The following NSMCE4A variants were observed in gnomAD, a reference collection of about 807,000 sequenced individuals.
NSMCE4A encodes the protein non-structural maintenance of chromosomes element 4 homolog A.
In NSMCE4A, 40 loss-of-function variants were observed where a neutral mutation model predicts 47.9. That is an observed-to-expected ratio of 0.83 (90% CI 0.65 to 1.09). NSMCE4A has a LOEUF of 1.09. Ranked by LOEUF, NSMCE4A falls within the 50% of genes least tolerant of loss-of-function variation. NSMCE4A has a pLI of 0.00. For missense variants in NSMCE4A, 500 were observed against 507.0 expected (o/e 0.99, Z 0.13); for synonymous variants, 166 against 178.5 (o/e 0.93, Z 0.56).
At position 121,959,367 on chromosome 10, in the gene NSMCE4A, G is replaced by A. The variant is rs1952456490; in HGVS notation, c.1127C>T (p.Pro376Leu). The change falls in exon 10 of 11, where the codon CCA becomes CTA. Residue 376 changes from proline to leucine, a missense_variant. Pro to Leu is a moderately conservative substitution (Grantham distance 98). Transcript: ENST00000369023. ...TFEISEPVIT[P>L]SQRQQKPSA ...ACTTGGCTTCTGCTGCCTCTGACTT[G>A]GAGTAATCACAGGCTCTGAAATCTC... is the stretch of plus-strand genomic sequence containing the variant. The A allele has an allele frequency of 6.2e-7, 1 of 1,614,170 alleles. No homozygotes were observed. The highest frequency in any genetic ancestry group is 8.5e-7 in the Non-Finnish European group (1 of 1,180,036).
chr10:121,958,187 C>T (rs886135886), intron 10 of NSMCE4A, among the ~76,000 whole-genome samples: 1 of 152,062 alleles, frequency 6.6e-6, no homozygotes, highest in Non-Finnish European at 1.5e-5. Flanking sequence ...GAGATCGTGC[C>T]ACTGCACTCT....
chr10:121,962,673 C>T (rs567463164), intron 6 of NSMCE4A, among the ~76,000 whole-genome samples: 5 of 151,490 alleles, frequency 3.3e-5, no homozygotes, highest in South Asian at 2.1e-4. Context: ...AGTGCAATGG[C>T]GTGATCTTGG....
chr10:121,960,101 T>C lies in NSMCE4A; in HGVS notation c.988+257A>G, dbSNP rs1250773638. The C allele has an allele frequency of 2.9e-6, 1 of 340,320 alleles. No homozygotes were observed. The highest frequency in any genetic ancestry group is 5.2e-6 in the Non-Finnish European group (1 of 191,358). 21.1% of individuals were successfully genotyped at this position (340,320 alleles called of 1,614,324 possible). On this transcript the variant is annotated intron_variant, in intron 8 of 10. Transcript: ENST00000369023. This position sits in a 1 kb window ranked among gnomAD's most constrained non-coding sequence, Gnocchi z 4.2. ...CAAAAATGACTGCAATCACCAACTT[T>C]CTAAATTAAGATCTGAGGGAAATTA...
At chr10:121,969,501 T>TAAAAAAAAAAAAAAAAAAAA (rs35005382) in intron 3 of NSMCE4A, among the ~76,000 whole-genome samples, 1 of 138,208 alleles carries the variant, frequency 7.2e-6, no homozygotes, top group Non-Finnish European at 1.5e-5. Context: ...AAAAAAAAGT[T>TAAAAAAAAAAAAAAAAAAAA]AAAAAAAAAA....
intron 5 of NSMCE4A, among the ~76,000 whole-genome samples, chr10:121,963,779 C>T (rs1005337606): frequency 1.9e-4 from 29 of 152,212 alleles, no homozygotes; most frequent in African/African-American, 7.0e-4. Context: ...ACTCAGGAGG[C>T]TGAGGCAGGA....
chr10:121,970,993 C>G lies in NSMCE4A; in HGVS notation c.447G>C (p.Lys149Asn). The change falls in exon 3 of 11, where the codon AAG becomes AAC. Residue 149 changes from lysine (K) to asparagine (N), a missense_variant. By Grantham distance (94) the Lys-to-Asn change is moderately conservative. Transcript: ENST00000369023. Reference sequence around the variant, plus strand: ...AGGAGCTCAGGTCTGAGCGCAGCTGCTTTGCTTTCTCTTTGCCCAAATCTG... The same window carrying G: ...AGGAGCTCAGGTCTGAGCGCAGCTGGTTTGCTTTCTCTTTGCCCAAATCTG... ...LASDLGKEKA[K>N]QLRSDLSSFD... The G allele has an allele frequency of 6.2e-7, 1 of 1,614,084 alleles. No homozygotes were observed. Among genetic ancestry groups the G allele is most frequent in the Non-Finnish European group, 8.5e-7 (1 of 1,179,984 alleles).
At chr10:121,958,816 G>T (rs1020812515) in intron 10 of NSMCE4A, among the ~76,000 whole-genome samples, 1 of 141,392 alleles carries the variant, frequency 7.1e-6, no homozygotes, top group Admixed American at 7.2e-5. Flanking sequence ...GCTTCTTTCA[G>T]CTGCAAGTCT....
intron 1 of NSMCE4A, 193 bp downstream of exon 1, chr10:121,974,681 G>C (rs967495560): frequency 1.8e-6 from 2 of 1,105,838 alleles, no homozygotes; most frequent in Non-Finnish European, 2.2e-6. Context: ...AAGGTCGTAC[G>C]GCTCCAGCCA....
At chr10:121,967,919 A>T (rs1952638221) in intron 3 of NSMCE4A, 113 bp from the exon 4 acceptor site, 2 of 1,072,896 alleles carry the variant, frequency 1.9e-6, no homozygotes, top group African/African-American at 3.2e-5. Flanking sequence ...GCCAGCTTTC[A>T]GTGTCTTAAC....
In NSMCE4A at chr10:121,974,115, T is replaced by C. The variant is rs770396814; in HGVS notation, c.293-34A>G. 7.1e-6 allele frequency: 11 copies of C among 1,540,936 alleles called. No individual in the cohort carries two copies. In the South Asian group the frequency reaches 1.3e-4, roughly 18 times the overall value. ...AAAAATACAAACTTTGGGAAATTTGTTCAGCATTCACTAATAAGCAGTTGA... is the reference window on the plus strand; with the variant it reads ...AAAAATACAAACTTTGGGAAATTTGCTCAGCATTCACTAATAAGCAGTTGA... On this transcript the variant is annotated intron_variant, in intron 1 of 10. Coordinates refer to ENST00000369023, the MANE Select transcript of NSMCE4A (RefSeq NM_017615.3).
intron 8 of NSMCE4A, 164 bp from the exon 9 acceptor site, chr10:121,959,759 T>C (rs575046240): frequency 1.7e-6 from 1 of 604,310 alleles, no homozygotes; most frequent in Admixed American, 2.9e-5. Flanking sequence ...GCTGTAGTAT[T>C]ATTACAGTAG....
chr10:121,971,444 T>A (rs573061602), intron 2 of NSMCE4A, among the ~76,000 whole-genome samples: 1 of 152,256 alleles, frequency 6.6e-6, no homozygotes, highest in South Asian at 2.1e-4. Context: ...GAGGCAGAGC[T>A]TGCAGTAAGC....
At chr10:121,964,911 G>T (rs1952577470) in intron 5 of NSMCE4A, among the ~76,000 whole-genome samples, 1 of 152,150 alleles carries the variant, frequency 6.6e-6, no homozygotes, top group Admixed American at 6.5e-5. Flanking sequence ...GTCACATGTA[G>T]ACATTTTTGG....
Position 121,967,711 on chromosome 10 carries a change from C to T in NSMCE4A, c.597G>A (p.Lys199=), listed in dbSNP as rs371999518. The T allele has an allele frequency of 1.9e-5, 30 of 1,614,056 alleles. No homozygotes were observed. The African/African-American group carries it at 3.2e-4, about 17-fold the overall frequency. The change falls in exon 4 of 11, where the codon AAG becomes AAA. Residue 199 remains lysine, a synonymous_variant. Coordinates refer to ENST00000369023, the MANE Select transcript of NSMCE4A (RefSeq NM_017615.3). ...TGTTTTCTGCTGTTCTGCCTGTTATCTTCCAGGAGTCATAGACTATGAATT... is the reference window on the plus strand; with the variant it reads ...TGTTTTCTGCTGTTCTGCCTGTTATTTTCCAGGAGTCATAGACTATGAATT... ...DFEFIVYDSW[K]ITGRTAENTF... is the part of the protein sequence containing the mutation.
Position 121,975,216 on chromosome 10 carries a change from C to CT in NSMCE4A, c.-52dup. 1 of 1,348,486 alleles carries CT rather than the reference C, an allele frequency of 7.4e-7. No individual in the cohort carries two copies. The allele number at this position is 1,348,486 out of a possible 1,614,324, so 83.5% of individuals were successfully genotyped here. On this transcript the variant is annotated 5_prime_UTR_variant, in exon 1 of 11. Coordinates refer to ENST00000369023, the MANE Select transcript of NSMCE4A (RefSeq NM_017615.3). ...GAACGGCGGAAGTTCGCGCCAGAAA[C>CT]TGAAACCCCTGCTCTGCGCCAGCGC...
In NSMCE4A at chr10:121,970,308, T is replaced by C. The variant is rs560928923; in HGVS notation, c.501+631A>G. On this transcript the variant is annotated intron_variant, in intron 3 of 10. Transcript: ENST00000369023. ...TAACATGATGAAACCCCGTCTCTAC[T>C]AAAAATACAAAAAATTAGCCGGGCG... 2.9e-3 allele frequency among the ~76,000 whole-genome samples: 440 copies of C among 151,168 alleles called. 3 individuals carry two copies. Among genetic ancestry groups the C allele is most frequent in the Non-Finnish European group, 3.2e-3 (218 of 67,810 alleles).
intron 10 of NSMCE4A, among the ~76,000 whole-genome samples, chr10:121,958,272 G>T (rs771274534): frequency 6.6e-6 from 1 of 152,088 alleles, no homozygotes; most frequent in Non-Finnish European, 1.5e-5. Context: ...ACTTGCCCAA[G>T]GTTTTAAAGT....
In NSMCE4A at chr10:121,975,072, A is replaced by G; in HGVS notation, c.94T>C (p.Ser32Pro). ...DRTRSRSRSR[S>P]PLSPRSRRGS... Reference sequence around the variant, plus strand: ...CGGCGGGACCTGGGCGACAAAGGGGACCGCGAGCGGGAGCGGGAGCGGGTG... The same window carrying G: ...CGGCGGGACCTGGGCGACAAAGGGGGCCGCGAGCGGGAGCGGGAGCGGGTG... Residue 32 changes from serine to proline, a missense_variant, in exon 1 of 11, where the codon TCC (serine) becomes CCC (proline). By Grantham distance (74) the Ser-to-Pro change is moderately conservative. Coordinates refer to ENST00000369023, the MANE Select transcript of NSMCE4A (RefSeq NM_017615.3). 1.4e-6 allele frequency: 2 copies of G among 1,448,240 alleles called. No homozygotes were observed. Among genetic ancestry groups the G allele is most frequent in the Non-Finnish European group, 1.8e-6 (2 of 1,110,512 alleles). The allele number at this position is 1,448,240 out of a possible 1,614,324, so 89.7% of individuals were successfully genotyped here.
intron 3 of NSMCE4A, among the ~76,000 whole-genome samples, chr10:121,969,956 T>C (rs1007827927): frequency 9.9e-5 from 15 of 152,142 alleles, no homozygotes; most frequent in African/African-American, 3.6e-4. Context: ...CCTCAGGTGA[T>C]CCACCCGCCT....
Sources: allele counts gnomAD v4.1 joint callset (sites outside exome capture counted in the v4.1 genomes callset), GRCh38; gene constraint gnomAD v4.1.1; non-coding constraint Gnocchi (gnomAD v3.1); transcripts MANE v1.5; gene names NCBI Gene and HGNC (gene_info 2026-07-23, HGNC 2026-07-21).